Variants in DYSF observed in about 807,000 individuals in gnomAD.
DYSF encodes dysferlin, also known as dystrophy-associated fer-1-like 1.
A neutral mutation model predicts 274.9 loss-of-function variants in DYSF; 212 were observed. That is an observed-to-expected ratio of 0.77 (90% CI 0.69 to 0.86). DYSF has a LOEUF of 0.86. DYSF is among the 40% of genes least tolerant of loss of function. The pLI, the probability that DYSF is intolerant of heterozygous loss-of-function variation, is 0.00. For synonymous variants in DYSF, 1,091 were observed against 1,078.7 expected, an observed-to-expected ratio of 1.01 and a Z score of -0.22; for missense variants, 2,666 against 2,783.2, an observed-to-expected ratio of 0.96 and a Z score of 0.95.
intron 30 of DYSF, among the ~76,000 whole-genome samples, chr2:71,575,899 A>T (rs1045488643): frequency 3.3e-5 from 5 of 152,218 alleles, no homozygotes; most frequent in Admixed American, 1.3e-4. Context: ...GCCTTGTCTC[A>T]CACGGGCTCT....
chr2:71,667,639 C>T, intron 48 of DYSF, 124 bp downstream of exon 48: 4 of 1,421,116 alleles, frequency 2.8e-6, no homozygotes, highest in Non-Finnish European at 2.9e-6. Context: ...TTCCTTGACC[C>T]ATTTCTTCAC....
intron 41 of DYSF, among the ~76,000 whole-genome samples, chr2:71,635,573 C>A (rs371085614): frequency 3.8e-4 from 57 of 151,884 alleles, no homozygotes; most frequent in Non-Finnish European, 6.5e-4. Flanking sequence ...CATGGTGAAA[C>A]CCCATCTCTA....
At position 71,612,889 on chromosome 2, in the gene DYSF, G is replaced by A. The variant is rs878987670; in HGVS notation, c.4387+83G>A. The A allele has an allele frequency of 7.4e-6, 11 of 1,485,246 alleles. No individual in the cohort carries two copies. In the South Asian group the frequency reaches 1.4e-4, roughly 19 times the overall value. The allele number at this position is 1,485,246 out of a possible 1,614,324, so 92.0% of individuals were successfully genotyped here. On this transcript the variant is annotated intron_variant, in intron 39 of 55. Coordinates refer to ENST00000410020, the MANE Select transcript of DYSF (RefSeq NM_001130987.2). ...ACCCTTCCTAGTTGAGATGCATCCT[G>A]AAACCCTTCTCTTACGGAGACCTGA... is the stretch of plus-strand genomic sequence containing the variant.
At chr2:71,474,845 A>T (rs2082285183) in intron 1 of DYSF, among the ~76,000 whole-genome samples, 2 of 152,250 alleles carry the variant, frequency 1.3e-5, no homozygotes, top group African/African-American at 4.8e-5. Flanking sequence ...CTGGAGCACC[A>T]GGAAATGAGT....
At chr2:71,467,820 A>T (rs559274786) in intron 1 of DYSF, among the ~76,000 whole-genome samples, 3 of 152,290 alleles carry the variant, frequency 2.0e-5, no homozygotes, top group South Asian at 4.1e-4. Context: ...ATAATAATAA[A>T]AATCTACGTA....
chr2:71,556,007 T>C lies in DYSF; in HGVS notation c.2152T>C (p.Cys718Arg). The C allele has an allele frequency of 1.3e-6, 2 of 1,576,190 alleles. No homozygotes were observed. The highest frequency in any genetic ancestry group is 1.3e-5 in the African/African-American group (1 of 74,696). The change falls in exon 22 of 56, where the codon TGC becomes CGC. Residue 718 changes from cysteine to arginine, a missense_variant. By Grantham distance (180) the Cys-to-Arg change is radical. Around this residue, in one of 3 missense-constraint regions of DYSF, gnomAD observed 412 missense variants for 504.0 expected, o/e 0.82. Coordinates refer to ENST00000410020, the MANE Select transcript of DYSF (RefSeq NM_001130987.2). ...EQVHLALKAQCSTEDVDSLVA... is the reference protein window; with the variant it reads ...EQVHLALKAQRSTEDVDSLVA... ...GGTCCACCTGGCCCTGAAGGCGCAG[T>C]GCTCCACGGAGGACGTGGACTCGCT...
chr2:71,682,490 G>C (rs373888608), intron 54 of DYSF, 40 bp from the exon 55 acceptor site: 31 of 1,613,802 alleles, frequency 1.9e-5, no homozygotes, highest in Non-Finnish European at 2.5e-5. Flanking sequence ...AGCAGCCCTA[G>C]TAAAGGATGC....
In DYSF at chr2:71,456,712, T is replaced by C. The variant is rs148387573; in HGVS notation, c.88+2626T>C. Among the ~76,000 whole-genome samples, 943 of 152,190 alleles carry C rather than the reference T, an allele frequency of 6.2e-3. 10 individuals are homozygous for C. The highest frequency in any genetic ancestry group is 0.02 in the African/African-American group (849 of 41,528). Reference sequence around the variant, plus strand: ...CAAAGATATTATCCCCCCTTAAAGATAAGGATATTGGCCCAGAGAAGTGAA... The same window carrying C: ...CAAAGATATTATCCCCCCTTAAAGACAAGGATATTGGCCCAGAGAAGTGAA... On this transcript the variant is annotated intron_variant, in intron 1 of 54. Coordinates refer to the DYSF transcript ENST00000258104.
At chr2:71,631,939 G>T (rs377142352) in intron 41 of DYSF, among the ~76,000 whole-genome samples, 1 of 152,130 alleles carries the variant, frequency 6.6e-6, no homozygotes, top group Admixed American at 6.5e-5. Context: ...TCCACCATCC[G>T]GCGCTCCTTG....
intron 45 of DYSF, 92 bp downstream of exon 45, chr2:71,660,743 C>A: frequency 8.8e-7 from 1 of 1,132,448 alleles, no homozygotes; most frequent in Non-Finnish European, 1.3e-6. Context: ...CTGTGAAGTC[C>A]GTATCTCTTG....
chr2:71,562,136 A>C (rs1295463580), intron 23 of DYSF, among the ~76,000 whole-genome samples, 192 bp downstream of exon 23: 1 of 152,204 alleles, frequency 6.6e-6, no homozygotes, highest in South Asian at 2.1e-4. Flanking sequence ...GGTACGATGG[A>C]ATACTGGGTG....
intron 1 of DYSF, among the ~76,000 whole-genome samples, chr2:71,457,338 G>A (rs1206534321): frequency 1.3e-5 from 2 of 152,208 alleles, no homozygotes; most frequent in Admixed American, 6.5e-5. Flanking sequence ...AAGAGGTTAA[G>A]TAAGTTGCCT....
At chr2:71,560,664 G>A (rs2091680480) in intron 22 of DYSF, among the ~76,000 whole-genome samples, 1 of 152,248 alleles carries the variant, frequency 6.6e-6, no homozygotes, top group Admixed American at 6.5e-5. Context: ...CCAGAGCGGT[G>A]TATCTGGCGG....
chr2:71,526,416 G>GGGGGGGGGGGGGGGGGGGGGT, intron 13 of DYSF, 70 bp downstream of exon 13: 1 of 513,690 alleles, frequency 1.9e-6, no homozygotes, highest in Non-Finnish European at 3.7e-6. Flanking sequence ...GGGGGTGGGC[G>GGGGGGGGGGGGGGGGGGGGGT]ATGGCGGGCG....
intron 36 of DYSF, among the ~76,000 whole-genome samples, chr2:71,606,408 C>T (rs1385194850): frequency 6.6e-6 from 1 of 152,084 alleles, no homozygotes; most frequent in Non-Finnish European, 1.5e-5. Context: ...CTCCATCAAC[C>T]CTAGGACAGT....
intron 30 of DYSF, among the ~76,000 whole-genome samples, chr2:71,582,305 T>A (rs555461719): frequency 1.2e-3 from 176 of 152,248 alleles, no homozygotes; most frequent in African/African-American, 3.6e-3. Context: ...TTCTAGGGCA[T>A]GTACCGTGGG....
intron 45 of DYSF, among the ~76,000 whole-genome samples, chr2:71,661,144 A>G (rs141552582): frequency 5.0e-4 from 76 of 151,614 alleles, no homozygotes; most frequent in African/African-American, 1.7e-3. Flanking sequence ...AAAAGAAAGA[A>G]AAAGTAGAAA....
In DYSF at chr2:71,456,519, C is replaced by T. The variant is rs559379721; in HGVS notation, c.88+2433C>T. 2.6e-5 allele frequency among the ~76,000 whole-genome samples: 4 copies of T among 152,158 alleles called. No homozygotes were observed. The South Asian group carries it at 8.3e-4, about 32-fold the overall frequency. On this transcript the variant is annotated intron_variant, in intron 1 of 54. Transcript: ENST00000258104. ...CAAAGCAAAACACCAGTCTGGGAAGCCTTCCCTCCCCAGCTGGGCTGGGTC... is the reference window on the plus strand; with the variant it reads ...CAAAGCAAAACACCAGTCTGGGAAGTCTTCCCTCCCCAGCTGGGCTGGGTC...
chr2:71,652,954 C>A (rs528699298), intron 42 of DYSF, among the ~76,000 whole-genome samples: 2 of 152,208 alleles, frequency 1.3e-5, no homozygotes, highest in African/African-American at 4.8e-5. Context: ...TCTTGCCTCA[C>A]GCTGGGTACC....
Sources: allele counts gnomAD v4.1 joint callset (sites outside exome capture counted in the v4.1 genomes callset), GRCh38; gene constraint gnomAD v4.1.1; regional missense constraint gnomAD v4.1.1; transcripts MANE v1.5; gene names NCBI Gene and HGNC (gene_info 2026-07-23, HGNC 2026-07-21).